The following KCNU1 variants were observed in gnomAD, a reference collection of about 807,000 sequenced individuals.
KCNU1 encodes the protein potassium calcium-activated channel subfamily U member 1.
Under a neutral mutation model 126.8 loss-of-function variants are expected in KCNU1, and 93 were observed. The ratio of observed to expected loss-of-function variants is 0.73; its 90% CI spans 0.62 to 0.87. The LOEUF (loss-of-function observed/expected upper bound fraction) is 0.87, where lower values mean the gene tolerates loss of function less well. Among genes scored for constraint, KCNU1 ranks in the 40% least tolerant of loss-of-function variants. The pLI, the probability that KCNU1 is intolerant of heterozygous loss-of-function variation, is 0.00. For synonymous variants in KCNU1, 523 were observed against 494.2 expected, an observed-to-expected ratio of 1.06 and a Z score of -0.77; for missense variants, 1,330 against 1,367.1, an observed-to-expected ratio of 0.97 and a Z score of 0.43.
chr8:36,846,090 T>C (rs536294785), intron 18 of KCNU1, among the ~76,000 whole-genome samples, 191 bp downstream of exon 18: 7 of 152,336 alleles, frequency 4.6e-5, no homozygotes, highest in East Asian at 1.9e-4. Flanking sequence ...TAACTAGTTA[T>C]CGAATTCAGT....
chr8:36,843,624 T>C (rs1805034862), intron 16 of KCNU1, among the ~76,000 whole-genome samples: 1 of 152,190 alleles, frequency 6.6e-6, no homozygotes, highest in Non-Finnish European at 1.5e-5. Flanking sequence ...GTAACCACCC[T>C]GTAGTAAATT....
intron 10 of KCNU1, among the ~76,000 whole-genome samples, chr8:36,825,213 A>G (rs1342375532): frequency 1.3e-5 from 2 of 152,108 alleles, no homozygotes; most frequent in African/African-American, 4.8e-5. Flanking sequence ...TGTGGTTTTA[A>G]TTAACATTTT....
intron 10 of KCNU1, among the ~76,000 whole-genome samples, chr8:36,822,135 A>G (rs146971060): frequency 3.1e-4 from 47 of 152,278 alleles, no homozygotes; most frequent in African/African-American, 1.1e-3. Context: ...AAGTGACAGT[A>G]TGCCGGTTAT....
chr8:36,817,499 CAAAAAAAAAA>C (rs375306964), intron 9 of KCNU1, 141 bp from the exon 10 acceptor site: 15 of 234,706 alleles, frequency 6.4e-5, no homozygotes, highest in African/African-American at 2.2e-4. Flanking sequence ...AACTCCATCT[CAAAAAAAAAA>C]AAAAAAAAAA....
chr8:36,828,161 T>C (rs2130521264), intron 10 of KCNU1, among the ~76,000 whole-genome samples: 1 of 152,264 alleles, frequency 6.6e-6, no homozygotes, highest in Non-Finnish European at 1.5e-5. Context: ...TTGAACTACA[T>C]TTCCTACTAA....
intron 13 of KCNU1, 52 bp downstream of exon 13, chr8:36,836,417 G>A: frequency 8.0e-7 from 1 of 1,257,554 alleles, no homozygotes; most frequent in South Asian, 1.3e-5. Flanking sequence ...TATATAGCTA[G>A]ACGAACTTTT....
At chr8:36,855,665 C>A (rs1805502894) in intron 18 of KCNU1, among the ~76,000 whole-genome samples, 1 of 151,844 alleles carries the variant, frequency 6.6e-6, no homozygotes, top group Non-Finnish European at 1.5e-5. Flanking sequence ...GGTTAGTTTC[C>A]AGAGTTCTGA....
intron 19 of KCNU1, among the ~76,000 whole-genome samples, chr8:36,882,149 G>A (rs1022752529): frequency 8.6e-5 from 13 of 152,018 alleles, no homozygotes; most frequent in Admixed American, 3.9e-4. Context: ...TGTCATTTCC[G>A]AAAGCACCTT....
chr8:36,929,035 T>A (rs1445985939), intron 24 of KCNU1: 3 of 699,096 alleles, frequency 4.3e-6, no homozygotes, highest in Non-Finnish European at 7.8e-6. Context: ...CTGCAAGCAA[T>A]GCTAAAAGGT....
intron 19 of KCNU1, among the ~76,000 whole-genome samples, chr8:36,875,619 T>C (rs1806253907): frequency 6.6e-6 from 1 of 152,048 alleles, no homozygotes; most frequent in Non-Finnish European, 1.5e-5. Flanking sequence ...AATAAAAATG[T>C]CCAGTTTCTA....
rs1804907689 is a variant in KCNU1 at position 36,840,486 on chromosome 8, G to C, written c.1542G>C (p.Lys514Asn). Residue 514 changes from lysine to asparagine, a missense_variant, in exon 15 of 27, where the codon AAG becomes AAC. This residue lies in a region of KCNU1 where 1,054 missense variants were observed against 1,053.9 expected (regional missense o/e 1.00). Coordinates refer to ENST00000399881, the MANE Select transcript of KCNU1 (RefSeq NM_001031836.3). ...NKKVMPKQTW[K>N]KHFLNSMKNK... ...AGGTTATGCCTAAACAGACCTGGAA[G>C]AAACACTTCTTGAATAGCATGAAAA... 2 of 1,604,936 alleles carry C rather than the reference G, an allele frequency of 1.2e-6. No homozygotes were observed. The highest frequency in any genetic ancestry group is 1.7e-6 in the Non-Finnish European group (2 of 1,172,426).
At chr8:36,873,605 A>G (rs1563308481) in intron 19 of KCNU1, among the ~76,000 whole-genome samples, 1 of 152,192 alleles carries the variant, frequency 6.6e-6, no homozygotes, top group Non-Finnish European at 1.5e-5. Context: ...CTTTTAACAA[A>G]TTCTTCTCCT....
At chr8:36,839,536 G>A (rs1322767706) in intron 14 of KCNU1, among the ~76,000 whole-genome samples, 1 of 152,220 alleles carries the variant, frequency 6.6e-6, no homozygotes, top group Non-Finnish European at 1.5e-5. Context: ...CGTGGTGGAA[G>A]CAGGCACTGG....
chr8:36,910,701 C>A (rs1807835846), intron 21 of KCNU1, among the ~76,000 whole-genome samples: 1 of 152,156 alleles, frequency 6.6e-6, no homozygotes, highest in South Asian at 2.1e-4. Flanking sequence ...TCTGTCTCAT[C>A]CAAACTTGCT....
intron 24 of KCNU1, among the ~76,000 whole-genome samples, chr8:36,924,342 T>C (rs1256911611): frequency 6.6e-6 from 1 of 152,190 alleles, no homozygotes. Flanking sequence ...AGAGGCATCA[T>C]GCCTGAATTT....
intron 2 of KCNU1, among the ~76,000 whole-genome samples, chr8:36,792,852 T>C (rs1802953291): frequency 6.6e-6 from 1 of 152,276 alleles, no homozygotes; most frequent in African/African-American, 2.4e-5. Flanking sequence ...GGTATTGTTA[T>C]TAATATTTGT....
chr8:36,931,408 C>T (rs531136441), intron 25 of KCNU1, among the ~76,000 whole-genome samples: 1 of 152,034 alleles, frequency 6.6e-6, no homozygotes, highest in Non-Finnish European at 1.5e-5. Flanking sequence ...GATAAATAAC[C>T]TGAATCTACA....
intron 14 of KCNU1, among the ~76,000 whole-genome samples, chr8:36,838,060 G>T (rs138513321): frequency 6.6e-6 from 1 of 152,144 alleles, no homozygotes; most frequent in Non-Finnish European, 1.5e-5. Context: ...AATTCCTTCC[G>T]TGAATGTAAA....
chr8:36,869,627 G>A (rs966132801), intron 19 of KCNU1, among the ~76,000 whole-genome samples: 21 of 152,006 alleles, frequency 1.4e-4, no homozygotes, highest in Non-Finnish European at 2.1e-4. Context: ...GCTCCAGATC[G>A]CCATCTTCTT....
Sources: gnomAD v4.1 joint callset for allele counts (sites outside exome capture counted in the v4.1 genomes callset) on GRCh38, gnomAD v4.1.1 for gene constraint, gnomAD v4.1.1 regional missense constraint, MANE v1.5 for transcripts, NCBI Gene and HGNC (gene_info 2026-07-23, HGNC 2026-07-21) for gene names.